The following ARHGAP20 variants were observed in gnomAD, a reference collection of about 807,000 sequenced individuals.
The protein encoded by ARHGAP20 is rho GTPase-activating protein 20.
A neutral mutation model predicts 73.7 loss-of-function variants in ARHGAP20; 34 were observed. The ratio of observed to expected loss-of-function variants is 0.46; its 90% CI spans 0.35 to 0.61. ARHGAP20 has a LOEUF of 0.61. Ranked by LOEUF, ARHGAP20 falls within the 20% of genes least tolerant of loss-of-function variation. ARHGAP20 has a pLI of 0.00. For missense variants in ARHGAP20, 1,314 were observed against 1,420.9 expected (o/e 0.92, Z 1.21); for synonymous variants, 523 against 518.2 (o/e 1.01, Z -0.13).
At position 110,582,318 on chromosome 11, in the gene ARHGAP20, T is replaced by C. The variant is rs1302925435; in HGVS notation, c.1720+3A>G. 2 of 1,594,904 alleles carry C rather than the reference T, an allele frequency of 1.3e-6. No homozygotes were observed. The highest frequency in any genetic ancestry group is 1.1e-5 in the South Asian group (1 of 90,612). ...CAAAAACCAATCCAATTATTCACAATACCTGAGGCATTCTCTCTAGTGTCA... is the reference window on the plus strand; with the variant it reads ...CAAAAACCAATCCAATTATTCACAACACCTGAGGCATTCTCTCTAGTGTCA... On this transcript the variant is annotated splice_donor_region_variant and intron_variant, in intron 14 of 14. Coordinates refer to ENST00000683387, the MANE Select transcript of ARHGAP20 (RefSeq NM_001384657.1).
chr11:110,690,480 A>C, intron 2 of ARHGAP20, 67 bp downstream of exon 2: 1 of 1,440,248 alleles, frequency 6.9e-7, no homozygotes, highest in South Asian at 1.2e-5. Flanking sequence ...TGTGATCTGA[A>C]AAACTCTTCA....
intron 10 of ARHGAP20, among the ~76,000 whole-genome samples, chr11:110,591,138 G>T (rs930466505): frequency 6.6e-6 from 1 of 152,312 alleles, no homozygotes; most frequent in South Asian, 2.1e-4. Context: ...ATTGCTCAGA[G>T]AGTGAATTTT....
At chr11:110,698,371 CT>C (rs1950378097) in intron 1 of ARHGAP20, among the ~76,000 whole-genome samples, 1 of 151,750 alleles carries the variant, frequency 6.6e-6, no homozygotes, top group South Asian at 2.1e-4. Flanking sequence ...AGATATTAGC[CT>C]ATAGTTTTTG....
chr11:110,655,905 C>T (rs1333261486), intron 2 of ARHGAP20, among the ~76,000 whole-genome samples: 1 of 152,156 alleles, frequency 6.6e-6, no homozygotes, highest in Non-Finnish European at 1.5e-5. Flanking sequence ...ATCAGGGAGG[C>T]CTTTCCTGAC....
intron 2 of ARHGAP20, among the ~76,000 whole-genome samples, chr11:110,675,102 TTTA>T (rs2135078304): frequency 6.6e-6 from 1 of 152,318 alleles, no homozygotes; most frequent in East Asian, 1.9e-4. Context: ...AGTTCAGATT[TTTA>T]TTATCATTTG....
chr11:110,591,866 C>T, intron 10 of ARHGAP20, 111 bp downstream of exon 10: 2 of 1,129,858 alleles, frequency 1.8e-6, no homozygotes, highest in South Asian at 1.7e-5. Flanking sequence ...AGATTCTTAG[C>T]CAAAGACAGT....
chr11:110,611,269 AG>A, intron 7 of ARHGAP20, 39 bp downstream of exon 7: 2 of 1,292,564 alleles, frequency 1.5e-6, no homozygotes, highest in Non-Finnish European at 2.2e-6. Flanking sequence ...AAATAATCAA[AG>A]TTTATTTTTA....
chr11:110,614,660 C>G lies in ARHGAP20; in HGVS notation c.546-15G>C. ...GATTGATGTATCTAATCAAATGCAA[C>G]AGCAACCCAAAACAACACTGAGTCA... On this transcript the variant is annotated splice_polypyrimidine_tract_variant and intron_variant, in intron 5 of 14. Transcript: ENST00000683387. The G allele has an allele frequency of 6.4e-7, 1 of 1,557,868 alleles. No individual in the cohort carries two copies. Among genetic ancestry groups the G allele is most frequent in the African/African-American group, 1.4e-5 (1 of 72,808 alleles).
rs764975471 is a variant in ARHGAP20 at position 110,614,586 on chromosome 11, G to A, written c.605C>T (p.Ala202Val). 3 of 1,613,194 alleles carry A rather than the reference G, an allele frequency of 1.9e-6. No individual in the cohort carries two copies. The Admixed American group carries it at 5.0e-5, about 27-fold the overall frequency. ...YPKSIPLKIFAKDIGNCAYSK... is the reference protein window; with the variant it reads ...YPKSIPLKIFVKDIGNCAYSK... Reference sequence around the variant, plus strand: ...GTAGGCACAATTCCCAATGTCCTTGGCGAAGATTTTGAGGGGAATGCTCTT... The same window carrying A: ...GTAGGCACAATTCCCAATGTCCTTGACGAAGATTTTGAGGGGAATGCTCTT... Residue 202 changes from alanine to valine, a missense_variant, in exon 6 of 15, where the codon GCC (alanine) becomes GTC (valine). Physicochemically the swap from Ala to Val is moderately conservative, Grantham distance 64. This residue lies in a region of ARHGAP20 where 443 missense variants were observed against 466.4 expected (regional missense o/e 0.95). Coordinates refer to ENST00000683387, the MANE Select transcript of ARHGAP20 (RefSeq NM_001384657.1).
intron 2 of ARHGAP20, among the ~76,000 whole-genome samples, chr11:110,662,146 T>C (rs1242737760): frequency 1.3e-5 from 2 of 151,814 alleles, no homozygotes; most frequent in Non-Finnish European, 2.9e-5. Context: ...GAAATATATA[T>C]ATATAAAATT....
At chr11:110,644,538 A>C (rs1045031159) in intron 2 of ARHGAP20, among the ~76,000 whole-genome samples, 1 of 152,074 alleles carries the variant, frequency 6.6e-6, no homozygotes, top group African/African-American at 2.4e-5. Context: ...CACAGGCAAT[A>C]AAAAAACAGG....
At chr11:110,616,713 T>C (rs1436251465) in intron 4 of ARHGAP20, among the ~76,000 whole-genome samples, 1 of 150,362 alleles carries the variant, frequency 6.7e-6, no homozygotes, top group Non-Finnish European at 1.5e-5. Context: ...CCATTGAGCA[T>C]ACATTTTCCA....
chr11:110,681,179 A>C (rs1950030342), intron 2 of ARHGAP20, among the ~76,000 whole-genome samples: 2 of 152,212 alleles, frequency 1.3e-5, no homozygotes, highest in African/African-American at 4.8e-5. Flanking sequence ...AGCACATGGA[A>C]CAGTGTTTGA....
chr11:110,712,481 C>T (rs576995790), upstream of ARHGAP20: 108 of 161,380 alleles, frequency 6.7e-4, no homozygotes, highest in Non-Finnish European at 9.1e-4. Context: ...CCGCCTCGGG[C>T]CCGCCCCCTC....
At chr11:110,648,961 A>G (rs1437159231) in intron 2 of ARHGAP20, among the ~76,000 whole-genome samples, 1 of 152,172 alleles carries the variant, frequency 6.6e-6, no homozygotes, top group Non-Finnish European at 1.5e-5. Context: ...CATATTAAGA[A>G]GACACTAAAG....
chr11:110,647,580 A>G (rs761227712), intron 2 of ARHGAP20, among the ~76,000 whole-genome samples: 6 of 152,166 alleles, frequency 3.9e-5, no homozygotes, highest in Admixed American at 6.6e-5. Flanking sequence ...TGTTAACAAC[A>G]TATTTTCATA....
At chr11:110,703,936 G>C (rs1287927252) in intron 1 of ARHGAP20, among the ~76,000 whole-genome samples, 1 of 152,102 alleles carries the variant, frequency 6.6e-6, no homozygotes, top group African/African-American at 2.4e-5. Context: ...TCAAACAAAG[G>C]GGCACCTGGC....
chr11:110,629,825 G>A (rs1022538054), intron 3 of ARHGAP20, among the ~76,000 whole-genome samples: 3 of 152,206 alleles, frequency 2.0e-5, no homozygotes, highest in African/African-American at 2.4e-5. Context: ...TGAGCTTTGA[G>A]ATAACTTTAA....
At chr11:110,589,171 A>G (rs568349116) in intron 11 of ARHGAP20, among the ~76,000 whole-genome samples, 1 of 152,360 alleles carries the variant, frequency 6.6e-6, no homozygotes, top group South Asian at 2.1e-4. Context: ...CTTGGCATAT[A>G]TATCTGGCTA....
Sources: gnomAD v4.1 joint callset for allele counts (sites outside exome capture counted in the v4.1 genomes callset) on GRCh38, gnomAD v4.1.1 for gene constraint, gnomAD v4.1.1 regional missense constraint, MANE v1.5 for transcripts, NCBI Gene and HGNC (gene_info 2026-07-23, HGNC 2026-07-21) for gene names.